Variants in TBC1D22A observed in about 807,000 individuals in gnomAD.
TBC1D22A encodes the protein TBC1 domain family member 22A, also known as putative GTPase activator.
In TBC1D22A, 38 loss-of-function variants were observed where a neutral mutation model predicts 60.2. The observed-to-expected ratio is 0.63, with a 90% CI of 0.49 to 0.83. The LOEUF (loss-of-function observed/expected upper bound fraction) is 0.83, where lower values mean the gene tolerates loss of function less well. Ranked by LOEUF, TBC1D22A falls within the 40% of genes least tolerant of loss-of-function variation. The probability of loss-of-function intolerance (pLI) is 0.00; values close to 1 mark genes in which losing one functional copy is unlikely to be tolerated. For synonymous variants in TBC1D22A, 302 were observed against 281.7 expected (o/e 1.07, Z -0.72); for missense variants, 628 against 701.0 (o/e 0.90, Z 1.18).
chr22:46,792,681 A>T (rs1307586635), intron 2 of TBC1D22A, 105 bp downstream of exon 2: 9 of 1,607,284 alleles, frequency 5.6e-6, no homozygotes, highest in Non-Finnish European at 6.8e-6. Context: ...TTCCTCAGGG[A>T]GGAGACTGGT....
intron 4 of TBC1D22A, among the ~76,000 whole-genome samples, chr22:46,818,883 C>G (rs1601999218): frequency 2.0e-5 from 3 of 149,176 alleles, no homozygotes; most frequent in African/African-American, 7.4e-5. Flanking sequence ...AATGTGTTTT[C>G]CTTTGTTTAT....
chr22:47,022,380 T>C (rs2062120315), intron 10 of TBC1D22A, among the ~76,000 whole-genome samples: 1 of 152,210 alleles, frequency 6.6e-6, no homozygotes, highest in Non-Finnish European at 1.5e-5. Flanking sequence ...AAGCATTGCC[T>C]GGAGAGAGTC....
chr22:46,904,121 A>G (rs150555938), intron 7 of TBC1D22A, among the ~76,000 whole-genome samples: 244 of 83,742 alleles, frequency 2.9e-3, no homozygotes, highest in African/African-American at 7.3e-3. Context: ...CTATCTATCT[A>G]TCTATCTATC....
chr22:47,103,102 C>G (rs777037774), intron 11 of TBC1D22A, among the ~76,000 whole-genome samples: 1 of 152,170 alleles, frequency 6.6e-6, no homozygotes, highest in African/African-American at 2.4e-5. Flanking sequence ...TTCTCAGTGC[C>G]GAGCTTCCAT....
intron 11 of TBC1D22A, among the ~76,000 whole-genome samples, chr22:47,056,332 A>C (rs2148459178): frequency 6.6e-6 from 1 of 152,050 alleles, no homozygotes; most frequent in South Asian, 2.1e-4. Context: ...TTAGTGATTG[A>C]CAGCGTTTGA....
chr22:46,774,333 C>T (rs1037362095), intron 1 of TBC1D22A: 20 of 881,788 alleles, frequency 2.3e-5, no homozygotes, highest in Non-Finnish European at 2.6e-5. Context: ...CTGGGCTCTT[C>T]CCATTTCTGG....
intron 8 of TBC1D22A, among the ~76,000 whole-genome samples, chr22:46,970,385 T>A (rs2074000484): frequency 6.6e-6 from 1 of 152,254 alleles, no homozygotes; most frequent in Admixed American, 6.5e-5. Context: ...TTGCTTGGAA[T>A]TACCATGTCT....
At chr22:46,898,541 T>G (rs944573055) in intron 7 of TBC1D22A, among the ~76,000 whole-genome samples, 3 of 152,072 alleles carry the variant, frequency 2.0e-5, no homozygotes, top group African/African-American at 7.2e-5. Flanking sequence ...GCATTTTTTT[T>G]TTAACCTAAA....
At chr22:46,979,102 T>A (rs1027821311) in intron 9 of TBC1D22A, among the ~76,000 whole-genome samples, 2 of 152,198 alleles carry the variant, frequency 1.3e-5, no homozygotes, top group Non-Finnish European at 2.9e-5. Flanking sequence ...CTTTTACCCA[T>A]ATATTGGCTC....
chr22:47,161,105 G>A (rs1288756189), intron 12 of TBC1D22A, among the ~76,000 whole-genome samples: 1 of 152,244 alleles, frequency 6.6e-6, no homozygotes, highest in African/African-American at 2.4e-5. Context: ...GACCATGGAG[G>A]TGTACCTCCC....
intron 12 of TBC1D22A, among the ~76,000 whole-genome samples, chr22:47,115,216 C>T (rs1425366000): frequency 6.6e-6 from 1 of 152,084 alleles, no homozygotes; most frequent in African/African-American, 2.4e-5. Flanking sequence ...TGCCACCTCC[C>T]CTGCCAGAGC....
intron 4 of TBC1D22A, among the ~76,000 whole-genome samples, chr22:46,803,755 A>G (rs2085005924): frequency 6.6e-6 from 1 of 152,194 alleles, no homozygotes; most frequent in Admixed American, 6.5e-5. Flanking sequence ...GGGCTTTGTC[A>G]AGGAAGGCAG....
chr22:47,173,636 C>T lies in TBC1D22A; in HGVS notation c.*10C>T, dbSNP rs1466421359. ...TCACTACAAGAAATGAGCCCAGGCCCACCCGCAGCTGGCCTCACTGTCCCG... is the reference window on the plus strand; with the variant it reads ...TCACTACAAGAAATGAGCCCAGGCCTACCCGCAGCTGGCCTCACTGTCCCG... On this transcript the variant is annotated 3_prime_UTR_variant, in exon 13 of 13. Transcript: ENST00000337137. 2.5e-6 allele frequency: 4 copies of T among 1,613,366 alleles called. No homozygotes were observed. Among genetic ancestry groups the T allele is most frequent in the African/African-American group, 1.3e-5 (1 of 75,024 alleles).
At chr22:47,057,637 G>A (rs1474683227) in intron 11 of TBC1D22A, among the ~76,000 whole-genome samples, 3 of 152,312 alleles carry the variant, frequency 2.0e-5, no homozygotes, top group Non-Finnish European at 4.4e-5. Flanking sequence ...GAGCAAAAGC[G>A]CGTCTTACAT....
chr22:46,889,637 C>T (rs1489265119), intron 5 of TBC1D22A, among the ~76,000 whole-genome samples: 1 of 152,146 alleles, frequency 6.6e-6, no homozygotes, highest in Non-Finnish European at 1.5e-5. Flanking sequence ...CTGGTGGATC[C>T]GTTCAACGGA....
chr22:46,991,139 C>T (rs2074924460), intron 9 of TBC1D22A, among the ~76,000 whole-genome samples: 1 of 152,176 alleles, frequency 6.6e-6, no homozygotes, highest in South Asian at 2.1e-4. Context: ...TGATGGAGCC[C>T]TTCCTCTCTC....
intron 6 of TBC1D22A, among the ~76,000 whole-genome samples, chr22:46,892,398 C>T (rs2068452129): frequency 2.0e-5 from 3 of 152,030 alleles, no homozygotes; most frequent in Admixed American, 2.0e-4. Context: ...ACGGATGGGA[C>T]ACAGGGCTGC....
intron 4 of TBC1D22A, among the ~76,000 whole-genome samples, chr22:46,837,372 G>C (rs2086569230): frequency 6.6e-6 from 1 of 152,182 alleles, no homozygotes; most frequent in Non-Finnish European, 1.5e-5. Context: ...CAGCAGACTT[G>C]AATAACAATA....
intron 12 of TBC1D22A, among the ~76,000 whole-genome samples, chr22:47,158,194 C>G (rs535294893): frequency 1.5e-4 from 23 of 152,296 alleles, no homozygotes; most frequent in Admixed American, 5.2e-4. Flanking sequence ...ATGGCCTCGA[C>G]CAGCACTCAG....
Sources: allele counts gnomAD v4.1 joint callset (sites outside exome capture counted in the v4.1 genomes callset), GRCh38; gene constraint gnomAD v4.1.1; transcripts MANE v1.5; gene names NCBI Gene and HGNC (gene_info 2026-07-23, HGNC 2026-07-21).